The following CDK13 variants were observed in gnomAD, a reference collection of about 807,000 sequenced individuals.
CDK13 encodes cyclin-dependent kinase 13.
CDK13 carries 40 observed loss-of-function variants against 137.6 expected under a neutral mutation model. The observed-to-expected ratio is 0.29, with a 90% CI of 0.23 to 0.38. The LOEUF (loss-of-function observed/expected upper bound fraction) is 0.38, where lower values mean the gene tolerates loss of function less well. CDK13 is among the 10% of genes least tolerant of loss of function. CDK13 has a pLI of 1.00. For missense variants in CDK13, 1,704 were observed against 1,951.8 expected (o/e 0.87, Z 2.39); for synonymous variants, 869 against 760.1 (o/e 1.14, Z -2.36).
At chr7:39,958,779 C>T (rs1787508735) in intron 1 of CDK13, among the ~76,000 whole-genome samples, 1 of 151,518 alleles carries the variant, frequency 6.6e-6, no homozygotes, top group South Asian at 2.1e-4. Flanking sequence ...ATTGAATTTC[C>T]TGGGGATAAA....
intron 12 of CDK13, among the ~76,000 whole-genome samples, chr7:40,088,940 C>T (rs1199209338): frequency 6.6e-6 from 1 of 151,998 alleles, no homozygotes; most frequent in African/African-American, 2.4e-5. Flanking sequence ...ATTAGCCGGG[C>T]GTGGTGGCAC....
intron 12 of CDK13, among the ~76,000 whole-genome samples, chr7:40,091,038 A>G (rs2150546167): frequency 6.6e-6 from 1 of 152,056 alleles, no homozygotes; most frequent in African/African-American, 2.4e-5. Flanking sequence ...TGGCAAAACC[A>G]TGTCTCTACT....
At chr7:40,040,096 C>G (rs1460834074) in intron 5 of CDK13, among the ~76,000 whole-genome samples, 1 of 151,604 alleles carries the variant, frequency 6.6e-6, no homozygotes, top group Non-Finnish European at 1.5e-5. Flanking sequence ...ACTGCAACCT[C>G]TGTCTCCCAG....
intron 1 of CDK13, among the ~76,000 whole-genome samples, chr7:39,973,865 A>G (rs1784051349): frequency 6.6e-6 from 1 of 152,180 alleles, no homozygotes; most frequent in South Asian, 2.1e-4. Context: ...GAATTGTCTT[A>G]GCACCCTTGT....
rs1787100082 is a variant in CDK13 at position 40,099,405 on chromosome 7, T to G, written c.*4425T>G. 1 of 152,228 alleles carries G rather than the reference T, an allele frequency of 6.6e-6. No individual in the cohort carries two copies. The highest frequency in any genetic ancestry group is 2.1e-4 in the South Asian group (1 of 4,836). The allele number at this position is 152,228 out of a possible 1,614,324, so 9.4% of individuals were successfully genotyped here. On this transcript the variant is annotated 3_prime_UTR_variant, in exon 14 of 14. Transcript: ENST00000181839. ...CTCTATAGTGAATACAGAATCACTC[T>G]TCTAAGTTTTTTCCCAGTTAATTTG...
chr7:40,046,050 T>A, intron 6 of CDK13, 25 bp downstream of exon 6: 1 of 1,357,926 alleles, frequency 7.4e-7, no homozygotes, highest in Non-Finnish European at 1.0e-6. Flanking sequence ...TTTATATATA[T>A]TTAAAATGAG....
At chr7:39,972,988 T>A (rs1389850103) in intron 1 of CDK13, among the ~76,000 whole-genome samples, 1 of 152,190 alleles carries the variant, frequency 6.6e-6, no homozygotes, top group African/African-American at 2.4e-5. Flanking sequence ...GCCATCTTGG[T>A]ATTTGCAGTG....
At chr7:39,976,288 GTCTCTCTCTCTCTC>G (rs1174858221) in intron 1 of CDK13, among the ~76,000 whole-genome samples, 3 of 29,872 alleles carry the variant, frequency 1.0e-4, no homozygotes, top group African/African-American at 2.3e-4. Context: ...GCGAGATTCC[GTCTCTCTCTCTCTC>G]TCTCTCTCTC....
rs1554325916 is a variant in CDK13, at chr7:39,993,163, A to AT, written c.1872-4322dup. On this transcript the variant is annotated intron_variant, in intron 2 of 13. Coordinates refer to ENST00000181839, the MANE Select transcript of CDK13 (RefSeq NM_003718.5). ...ACTGTAGTAGGGACTGCACATGGTG[A>AT]TTTTTTTTTCCATTGCTGCTGCACA... is the stretch of plus-strand genomic sequence containing the variant. Among the ~76,000 whole-genome samples the AT allele has an allele frequency of 2.0e-3, 301 of 151,662 alleles. 1 individual carries two copies. The highest frequency in any genetic ancestry group is 6.6e-3 in the African/African-American group (274 of 41,356).
At chr7:40,047,040 A>T (rs1217563378) in intron 6 of CDK13, among the ~76,000 whole-genome samples, 2 of 149,340 alleles carry the variant, frequency 1.3e-5, no homozygotes, top group Admixed American at 6.7e-5. Context: ...AAAAAATCTA[A>T]TAATAGTCTG....
At chr7:40,037,097 G>C (rs1019746701) in intron 5 of CDK13, among the ~76,000 whole-genome samples, 1 of 152,134 alleles carries the variant, frequency 6.6e-6, no homozygotes, top group African/African-American at 2.4e-5. Flanking sequence ...TTGGGTGTTA[G>C]TTAGCTTGTT....
At chr7:40,078,230 C>A (rs1786589146) in intron 10 of CDK13, 109 bp downstream of exon 10, 5 of 506,750 alleles carry the variant, frequency 9.9e-6, no homozygotes, top group Non-Finnish European at 1.4e-5. Context: ...ACCTATAATT[C>A]TTCTAGGGCA....
intron 5 of CDK13, among the ~76,000 whole-genome samples, chr7:40,027,984 A>G (rs1276994413): frequency 1.3e-5 from 2 of 151,250 alleles, no homozygotes; most frequent in Non-Finnish European, 2.9e-5. Flanking sequence ...GTAGAAGCTC[A>G]GAAGATTGAG....
At chr7:40,035,113 T>A (rs569144138) in intron 5 of CDK13, among the ~76,000 whole-genome samples, 1 of 152,216 alleles carries the variant, frequency 6.6e-6, no homozygotes. Context: ...TCTAAGGATA[T>A]GTATATATAT....
intron 10 of CDK13, 164 bp downstream of exon 10, chr7:40,078,285 C>T (rs1786590051): frequency 1.6e-5 from 7 of 429,300 alleles, no homozygotes; most frequent in African/African-American, 4.1e-5. Flanking sequence ...ACCATTTTAC[C>T]ATTATTATGG....
intron 5 of CDK13, among the ~76,000 whole-genome samples, chr7:40,003,623 G>T (rs139414894): frequency 8.8e-4 from 134 of 152,264 alleles, no homozygotes; most frequent in African/African-American, 3.2e-3. Flanking sequence ...ATGAAAGTTT[G>T]TGCAAATGCT....
intron 7 of CDK13, among the ~76,000 whole-genome samples, chr7:40,057,987 C>A (rs1786057940): frequency 6.6e-6 from 1 of 152,098 alleles, no homozygotes; most frequent in Admixed American, 6.5e-5. Context: ...TTTAAAATAG[C>A]TGAGTGCTAC....
chr7:40,003,755 C>T (rs1205912924), intron 5 of CDK13, among the ~76,000 whole-genome samples: 1 of 152,120 alleles, frequency 6.6e-6, no homozygotes, highest in Non-Finnish European at 1.5e-5. Flanking sequence ...TCTCCAATCC[C>T]ATCTATGCCA....
chr7:40,068,351 G>A (rs375009675), intron 9 of CDK13, among the ~76,000 whole-genome samples: 1 of 151,618 alleles, frequency 6.6e-6, no homozygotes, highest in African/African-American at 2.4e-5. Flanking sequence ...TGAACCATAT[G>A]GGGGGAAAGC....
Sources: gnomAD v4.1 joint callset for allele counts (sites outside exome capture counted in the v4.1 genomes callset) on GRCh38, gnomAD v4.1.1 for gene constraint, MANE v1.5 for transcripts, NCBI Gene and HGNC (gene_info 2026-07-23, HGNC 2026-07-21) for gene names.